The following GPR89B variants were observed in gnomAD, a reference collection of about 807,000 sequenced individuals.
GPR89B encodes the protein golgi pH regulator B.
Under a neutral mutation model 52.4 loss-of-function variants are expected in GPR89B, and 25 were observed. The ratio of observed to expected loss-of-function variants is 0.48; its 90% CI spans 0.35 to 0.67. GPR89B has a LOEUF of 0.67. Among genes scored for constraint, GPR89B ranks in the 30% least tolerant of loss-of-function variants. The pLI, the probability that GPR89B is intolerant of heterozygous loss-of-function variation, is 0.01. For missense variants in GPR89B, 146 were observed against 450.2 expected, an observed-to-expected ratio of 0.32 and a Z score of 6.11; for synonymous variants, 52 against 151.2, an observed-to-expected ratio of 0.34 and a Z score of 4.81.
At chr1:147,936,533 G>A (rs587614433) in intron 1 of GPR89B, 94 bp from the exon 2 acceptor site, 92 of 761,410 alleles carry the variant, frequency 1.2e-4, no homozygotes, top group Admixed American at 9.6e-4. Flanking sequence ...TAAGTTAACC[G>A]TCTAGTTAGC....
chr1:147,975,805 T>C (rs1657791406), intron 10 of GPR89B, among the ~76,000 whole-genome samples: 1 of 152,130 alleles, frequency 6.6e-6, no homozygotes, highest in Non-Finnish European at 1.5e-5. Flanking sequence ...GTGCTATCCA[T>C]TTCCCTCTTA....
intron 10 of GPR89B, among the ~76,000 whole-genome samples, chr1:147,973,061 T>C (rs1285730283): frequency 6.6e-6 from 1 of 151,730 alleles, no homozygotes; most frequent in Non-Finnish European, 1.5e-5. Flanking sequence ...GGTCTATCAT[T>C]GATGGGCATT....
the GPR89B span, among the ~76,000 whole-genome samples, chr1:148,004,350 A>G: frequency 1.1e-3 from 170 of 149,062 alleles, 2 homozygotes; most frequent in East Asian, 0.032. Flanking sequence ...TATTTTTAGT[A>G]GAGACGGTGT....
chr1:147,983,331 C>A (rs1658410276), intron 10 of GPR89B, among the ~76,000 whole-genome samples: 1 of 152,032 alleles, frequency 6.6e-6, no homozygotes, highest in Admixed American at 6.6e-5. Flanking sequence ...CAAATGGGAT[C>A]TAATTAAACT....
intron 8 of GPR89B, chr1:147,967,999 T>G (rs1273976862): frequency 9.4e-6 from 3 of 320,798 alleles, no homozygotes; most frequent in African/African-American, 2.2e-5. Context: ...TGGGTAATAG[T>G]GGGAAAAATC....
At position 147,992,567 on chromosome 1, in the gene GPR89B, G is replaced by C. The variant is rs1659146073; in HGVS notation, c.1161G>C (p.Met387Ile). The C allele has an allele frequency of 6.8e-6, 11 of 1,611,494 alleles. No homozygotes were observed. The highest frequency in any genetic ancestry group is 5.9e-6 in the Non-Finnish European group (7 of 1,179,648). ...TTGTCCTGCTATTAGCACAGATAAT[G>C]GTAAGTTTAATTAGTTACCTTTATG... ...NVIVLLLAQI[M>I]GMYFVSSVLL... Residue 387 changes from methionine (M) to isoleucine (I), a missense_variant and splice_region_variant, in exon 13 of 14, where the codon ATG becomes ATC. Transcript: ENST00000314163.
chr1:147,977,165 CG>C (rs1190966944), intron 10 of GPR89B, among the ~76,000 whole-genome samples: 2 of 118,148 alleles, frequency 1.7e-5, no homozygotes, highest in Non-Finnish European at 3.2e-5. Flanking sequence ...ACCCAGGAGG[CG>C]GAGGTTGCAG....
At chr1:147,967,471 T>G (rs1657117405) in intron 8 of GPR89B, 2 of 151,834 alleles carry the variant, frequency 1.3e-5, no homozygotes, top group Admixed American at 6.6e-5. Flanking sequence ...ATTAATAGAT[T>G]AATAAATTGT....
the GPR89B span, among the ~76,000 whole-genome samples, chr1:148,023,458 C>G: frequency 4.2e-5 from 6 of 141,424 alleles, no homozygotes; most frequent in Admixed American, 3.5e-4. Flanking sequence ...GGGTATATAC[C>G]CAGTAATGAG....
At position 147,936,706 on chromosome 1, in the gene GPR89B, T is replaced by C. The variant is rs1553247989; in HGVS notation, c.102+20T>C. On this transcript the variant is annotated intron_variant, in intron 2 of 13. Coordinates refer to ENST00000314163, the MANE Select transcript of GPR89B (RefSeq NM_016334.5). ...TATGAGGTGAGAAGAAATCATTTTG[T>C]CATACTTACACTATATGAATTTAGA... 2.5e-6 allele frequency: 4 copies of C among 1,596,692 alleles called. No individual in the cohort carries two copies. The highest frequency in any genetic ancestry group is 3.4e-6 in the Non-Finnish European group (4 of 1,167,006).
At chr1:147,979,137 C>T (rs1658055830) in intron 10 of GPR89B, among the ~76,000 whole-genome samples, 1 of 151,962 alleles carries the variant, frequency 6.6e-6, no homozygotes, top group African/African-American at 2.4e-5. Flanking sequence ...GGGGCTGTTG[C>T]ACTACCCTGC....
At chr1:148,025,523 C>CAAA in the GPR89B span, among the ~76,000 whole-genome samples, 319 of 29,664 alleles carry the variant, frequency 0.011, 18 homozygotes, top group African/African-American at 0.025. Context: ...AACTCTGTCT[C>CAAA]AAAAAAAAAA....
At chr1:147,990,465 T>G (rs1485860591) in intron 12 of GPR89B, among the ~76,000 whole-genome samples, 3 of 152,208 alleles carry the variant, frequency 2.0e-5, no homozygotes, top group African/African-American at 7.2e-5. Context: ...AGATCCCATT[T>G]GTCAATTTTG....
At chr1:148,002,587 T>C in the GPR89B span, among the ~76,000 whole-genome samples, 1 of 152,118 alleles carries the variant, frequency 6.6e-6, no homozygotes, top group Admixed American at 6.5e-5. Context: ...TCTTGCGTAA[T>C]TGTTAGGAGT....
intron 8 of GPR89B, chr1:147,968,171 C>A (rs1376918700): frequency 9.4e-6 from 4 of 425,736 alleles, no homozygotes; most frequent in Non-Finnish European, 1.9e-5. Context: ...CCTCCCTGAG[C>A]CCCTGTTCTC....
chr1:147,997,443 G>A (rs1659343117), downstream of GPR89B, among the ~76,000 whole-genome samples: 2 of 152,114 alleles, frequency 1.3e-5, no homozygotes, highest in African/African-American at 4.8e-5. Context: ...CTGGTTCTCC[G>A]GCCTTTGGAC....
At chr1:147,934,691 CCT>C (rs1340174508) in intron 1 of GPR89B, among the ~76,000 whole-genome samples, 1 of 152,028 alleles carries the variant, frequency 6.6e-6, no homozygotes, top group Non-Finnish European at 1.5e-5. Context: ...GTTTGGTCTC[CCT>C]CTTTCATATT....
chr1:147,966,237 A>G (rs1224715684), intron 7 of GPR89B, among the ~76,000 whole-genome samples: 6,292 of 152,106 alleles, frequency 0.041, 173 homozygotes, highest in Admixed American at 0.055. Flanking sequence ...ATGAATTCAT[A>G]TGTATTATTT....
Position 147,968,894 on chromosome 1 carries a change from G to A in GPR89B, c.747G>A (p.Gln249=). ...SGSENLTLIQ[Q]EVDALEELSR... Reference sequence around the variant, plus strand: ...TGCCAGATCTTACTCTTATTCAACAGGAAGTGGATGCTTTGGAAGAATTAA... The same window carrying A: ...TGCCAGATCTTACTCTTATTCAACAAGAAGTGGATGCTTTGGAAGAATTAA... The change falls in exon 9 of 14, where the codon CAG becomes CAA. Residue 249 remains glutamine, a synonymous_variant. Coordinates refer to ENST00000314163, the MANE Select transcript of GPR89B (RefSeq NM_016334.5). 1 of 1,611,030 alleles carries A rather than the reference G, an allele frequency of 6.2e-7. No individual in the cohort carries two copies. The highest frequency in any genetic ancestry group is 2.2e-5 in the East Asian group (1 of 44,850).
Sources: allele counts gnomAD v4.1 joint callset (sites outside exome capture counted in the v4.1 genomes callset), GRCh38; gene constraint gnomAD v4.1.1; transcripts MANE v1.5; gene names NCBI Gene and HGNC (gene_info 2026-07-23, HGNC 2026-07-21).